The following SLC4A1AP variants were observed in gnomAD, a reference collection of about 807,000 sequenced individuals.
SLC4A1AP encodes kanadaptin.
SLC4A1AP carries 64 observed loss-of-function variants against 89.7 expected under a neutral mutation model. The observed-to-expected ratio is 0.71, with a 90% confidence interval of 0.58 to 0.88. The LOEUF (loss-of-function observed/expected upper bound fraction) is 0.88. SLC4A1AP is among the 40% of genes least tolerant of loss of function. SLC4A1AP has a pLI of 0.00. For missense variants in SLC4A1AP, 931 were observed against 965.0 expected (o/e 0.96, Z 0.47); for synonymous variants, 366 against 353.3 (o/e 1.04, Z -0.40).
chr2:27,694,506 T>A, intron 13 of SLC4A1AP, 128 bp from the exon 14 acceptor site: 1 of 544,066 alleles, frequency 1.8e-6, no homozygotes. Context: ...ATACAAAAAG[T>A]AAAATTTCTA....
At chr2:27,666,368 C>CA (rs1675322250) in intron 2 of SLC4A1AP, among the ~76,000 whole-genome samples, 2 of 38,828 alleles carry the variant, frequency 5.2e-5, no homozygotes, top group Non-Finnish European at 1.9e-4. Flanking sequence ...CACCCCCCCC[C>CA]CCCACCCCGC....
Position 27,693,732 on chromosome 2 carries a change from CTG to C in SLC4A1AP, c.2326_2327del (p.Trp776GlyfsTer4). 1 of 1,612,588 alleles carries C rather than the reference CTG, an allele frequency of 6.2e-7. No individual in the cohort carries two copies. The highest frequency in any genetic ancestry group is 8.5e-7 in the Non-Finnish European group (1 of 1,179,242). The stretch of plus-strand genomic sequence containing the variant: ...AATATCCTGAAGATGACCCAGACTA[CTG>C]TGTGTGGGTCCCACCTGAAGGTAGA... On this transcript the variant is annotated frameshift_variant, in exon 13 of 14. Coordinates refer to ENST00000613058, the Ensembl canonical transcript of SLC4A1AP. LOFTEE classifies it high-confidence loss of function.
chr2:27,680,794 A>G (rs1675606987), intron 8 of SLC4A1AP, among the ~76,000 whole-genome samples: 1 of 134,488 alleles, frequency 7.4e-6, no homozygotes, highest in Non-Finnish European at 1.5e-5. Flanking sequence ...GAAAACAACA[A>G]CAACAACAAC....
At chr2:27,665,170 A>C (rs1282770887) in exon 2 of SLC4A1AP, 1 of 1,613,994 alleles carries the variant, frequency 6.2e-7, no homozygotes, top group South Asian at 1.1e-5. Flanking sequence ...CGCAAGCAGC[A>C]GCAAATATTG....
intron 8 of SLC4A1AP, 85 bp from the exon 9 acceptor site, chr2:27,682,163 G>T (rs1675629413): frequency 3.7e-6 from 3 of 805,904 alleles, no homozygotes; most frequent in Non-Finnish European, 5.9e-6. Flanking sequence ...TTTTGCCAGA[G>T]GTTTCTTTGT....
chr2:27,668,700 T>G, intron 3 of SLC4A1AP, 143 bp from the exon 4 acceptor site: 1 of 784,664 alleles, frequency 1.3e-6, no homozygotes, highest in Non-Finnish European at 2.2e-6. Flanking sequence ...TCATCCCGCC[T>G]CAGCCTCCCA....
intron 12 of SLC4A1AP, chr2:27,691,605 T>G (rs1051303489): frequency 6.0e-5 from 9 of 151,122 alleles, no homozygotes; most frequent in African/African-American, 2.2e-4. Flanking sequence ...TTTTTTTTTT[T>G]TTTTGAGACA....
At chr2:27,668,509 G>A (rs1323505690) in intron 3 of SLC4A1AP, 4 of 457,888 alleles carry the variant, frequency 8.7e-6, no homozygotes, top group African/African-American at 3.9e-5. Context: ...GAGTGCAATG[G>A]CGCAATCTTG....
At chr2:27,685,941 A>G (rs1473981542) in intron 10 of SLC4A1AP, among the ~76,000 whole-genome samples, 1 of 152,174 alleles carries the variant, frequency 6.6e-6, no homozygotes, top group Non-Finnish European at 1.5e-5. Context: ...TAAAAGTCCA[A>G]AGGAAAAAAA....
rs1473489724 is a variant in SLC4A1AP at position 27,688,033 on chromosome 2, G to T, written c.2203+13G>T. ...GCAGGACCCTCAGGCAAGTAGTACG[G>T]CAGCCTTCATTGCTGCTCTGCACAC... On this transcript the variant is annotated intron_variant, in intron 11 of 13. Transcript: ENST00000613058. 1 of 1,609,916 alleles carries T rather than the reference G, an allele frequency of 6.2e-7. No individual in the cohort carries two copies. Among genetic ancestry groups the T allele is most frequent in the Non-Finnish European group, 8.5e-7 (1 of 1,176,526 alleles).
Position 27,669,402 on chromosome 2 carries a change from G to A in SLC4A1AP, c.1345+15G>A. ...GCAGGAAGCAGGTCAGTATATAGGA[G>A]CCCTTTTTTTCTAGATTTAAAAAAA... On this transcript the variant is annotated intron_variant, in intron 5 of 13. Transcript: ENST00000613058. 6.8e-7 allele frequency: 1 copy of A among 1,467,190 alleles called. No individual in the cohort carries two copies. Among genetic ancestry groups the A allele is most frequent in the Non-Finnish European group, 9.0e-7 (1 of 1,107,020 alleles). The allele number at this position is 1,467,190 out of a possible 1,614,324, so 90.9% of individuals were successfully genotyped here.
intron 6 of SLC4A1AP, among the ~76,000 whole-genome samples, chr2:27,675,895 T>C (rs1032063143): frequency 2.6e-5 from 4 of 152,198 alleles, no homozygotes; most frequent in African/African-American, 7.2e-5. Context: ...TATGGCTTGC[T>C]GCTAGATCCT....
At chr2:27,677,169 T>C (rs1489082644) in intron 6 of SLC4A1AP, 126 bp from the exon 7 acceptor site, 2 of 719,726 alleles carry the variant, frequency 2.8e-6, no homozygotes, top group African/African-American at 3.6e-5. Flanking sequence ...ACTCCATAAG[T>C]AGCAGTTTAA....
At position 27,667,418 on chromosome 2, in the gene SLC4A1AP, C is replaced by T. The variant is rs368501768; in HGVS notation, c.1144+28C>T. The T allele has an allele frequency of 5.0e-6, 8 of 1,600,810 alleles. No individual in the cohort carries two copies. In the African/African-American group the frequency reaches 5.4e-5, roughly 11 times the overall value. Reference sequence around the variant, plus strand: ...ATGTAAACAGATTCTGACCCTACCACTAAAACATATCCAGAGCAGTGTGGT... The same window carrying T: ...ATGTAAACAGATTCTGACCCTACCATTAAAACATATCCAGAGCAGTGTGGT... On this transcript the variant is annotated intron_variant, in intron 3 of 13. Transcript: ENST00000613058.
intron 12 of SLC4A1AP, chr2:27,693,289 T>A (rs1055819704): frequency 3.1e-5 from 5 of 159,446 alleles, no homozygotes; most frequent in Admixed American, 6.5e-5. Flanking sequence ...TGAATGTTAA[T>A]ATTGAGATGT....
At chr2:27,664,014 A>C (rs2148127869) in exon 1 of SLC4A1AP, 1 of 1,614,182 alleles carries the variant, frequency 6.2e-7, no homozygotes, top group Non-Finnish European at 8.5e-7. Context: ...GGCGCGGAGT[A>C]AGGCCCCGGC....
At chr2:27,672,642 T>C (rs993617610) in intron 5 of SLC4A1AP, among the ~76,000 whole-genome samples, 1 of 152,178 alleles carries the variant, frequency 6.6e-6, no homozygotes, top group African/African-American at 2.4e-5. Context: ...TAATTCTTCA[T>C]TGTAGTTTTT....
At chr2:27,664,174 C>A in exon 1 of SLC4A1AP, 1 of 1,614,192 alleles carries the variant, frequency 6.2e-7, no homozygotes, top group Non-Finnish European at 8.5e-7. Flanking sequence ...CCCCCGACAG[C>A]GGTTTCTTCC....
At chr2:27,671,474 C>T (rs1349435863) in intron 5 of SLC4A1AP, among the ~76,000 whole-genome samples, 1 of 152,130 alleles carries the variant, frequency 6.6e-6, no homozygotes, top group African/African-American at 2.4e-5. Flanking sequence ...GTAGCCTCAC[C>T]ACATCAAACA....
Sources: gnomAD v4.1 joint callset for allele counts (sites outside exome capture counted in the v4.1 genomes callset) on GRCh38, gnomAD v4.1.1 for gene constraint, MANE v1.5 for transcripts, NCBI Gene and HGNC (gene_info 2026-07-23, HGNC 2026-07-21) for gene names.